Variants in WDPCP observed in about 807,000 individuals in gnomAD.
WDPCP encodes WD repeat-containing and planar cell polarity effector protein fritz homolog.
A neutral mutation model predicts 93.1 loss-of-function variants in WDPCP; 71 were observed. The observed-to-expected ratio is 0.76, with a 90% CI of 0.63 to 0.93. The LOEUF (loss-of-function observed/expected upper bound fraction) is 0.93. WDPCP is among the 40% of genes least tolerant of loss of function. The pLI is 0.00. For missense variants in WDPCP, 844 were observed against 887.4 expected (o/e 0.95, Z 0.62); for synonymous variants, 315 against 315.0 (o/e 1.00, Z 0.00).
intron 3 of WDPCP, chr2:63,598,095 T>C (rs1452999235): frequency 6.6e-6 from 1 of 152,160 alleles, no homozygotes; most frequent in African/African-American, 2.4e-5. Context: ...CTAATATGTC[T>C]TAATATTACA....
At chr2:63,137,481 T>A (rs1574694584) in intron 17 of WDPCP, among the ~76,000 whole-genome samples, 1 of 152,190 alleles carries the variant, frequency 6.6e-6, no homozygotes, top group East Asian at 1.9e-4. Flanking sequence ...TTGCAAACAT[T>A]TTCTCCCATT....
intron 12 of WDPCP, among the ~76,000 whole-genome samples, chr2:63,364,136 A>G (rs1017487890): frequency 6.6e-6 from 1 of 152,192 alleles, no homozygotes; most frequent in Non-Finnish European, 1.5e-5. Context: ...GCTCAACACC[A>G]TGATTCTTTG....
intron 12 of WDPCP, among the ~76,000 whole-genome samples, chr2:63,320,956 C>T (rs909231686): frequency 6.6e-6 from 1 of 151,706 alleles, no homozygotes; most frequent in Non-Finnish European, 1.5e-5. Flanking sequence ...TATACAAACA[C>T]AGATAGTTTG....
chr2:63,205,644 T>G lies in WDPCP; in HGVS notation c.1916-30812A>C, dbSNP rs894721790. Among the ~76,000 whole-genome samples the G allele has an allele frequency of 1.6e-4, 24 of 152,370 alleles. No individual in the cohort carries two copies. The East Asian group carries it at 3.5e-3, about 22-fold the overall frequency. On this transcript the variant is annotated intron_variant, in intron 14 of 17. Transcript: ENST00000272321. ...CTTCACATTGTTCATTGTTGGGATA[T>G]AGAAATGCTACTGATTTTTGTAGGT...
chr2:63,325,026 G>A (rs1040267384), intron 12 of WDPCP, among the ~76,000 whole-genome samples: 2 of 152,176 alleles, frequency 1.3e-5, no homozygotes, highest in African/African-American at 2.4e-5. Context: ...CAGATATCAG[G>A]AGAAAGCTCC....
At chr2:63,678,578 C>T (rs922503569) in intron 2 of WDPCP, among the ~76,000 whole-genome samples, 2 of 152,178 alleles carry the variant, frequency 1.3e-5, no homozygotes, top group African/African-American at 2.4e-5. Context: ...CCTTTTAGTG[C>T]ACCTTTTTGT....
chr2:63,155,946 G>A (rs1310625289), intron 15 of WDPCP, among the ~76,000 whole-genome samples: 1 of 152,124 alleles, frequency 6.6e-6, no homozygotes, highest in Non-Finnish European at 1.5e-5. Context: ...AGATTAGTCA[G>A]GAGACAGCTG....
chr2:63,816,596 C>T (rs1670936088), intron 1 of WDPCP, among the ~76,000 whole-genome samples: 1 of 152,110 alleles, frequency 6.6e-6, no homozygotes. Flanking sequence ...AAGGATTATC[C>T]CCTAGAGTCT....
At chr2:63,138,613 C>T (rs547255417) in intron 17 of WDPCP, among the ~76,000 whole-genome samples, 93 of 151,898 alleles carry the variant, frequency 6.1e-4, no homozygotes, top group Non-Finnish European at 1.1e-3. Flanking sequence ...TCACCTCGCC[C>T]GGCTAATTTT....
chr2:63,339,607 T>C (rs1688693673), intron 12 of WDPCP, among the ~76,000 whole-genome samples: 1 of 152,238 alleles, frequency 6.6e-6, no homozygotes, highest in South Asian at 2.1e-4. Flanking sequence ...TTTAGGTTTT[T>C]CTACATATAG....
intron 14 of WDPCP, among the ~76,000 whole-genome samples, chr2:63,178,161 G>A (rs1285740556): frequency 6.6e-6 from 1 of 152,124 alleles, no homozygotes; most frequent in African/African-American, 2.4e-5. Context: ...TATCTATCAA[G>A]AACGTTGGTC....
intron 2 of WDPCP, among the ~76,000 whole-genome samples, chr2:63,696,028 T>C (rs916623347): frequency 6.6e-6 from 1 of 152,152 alleles, no homozygotes; most frequent in Non-Finnish European, 1.5e-5. Context: ...CATCTCCATG[T>C]ATTAAGGGAA....
At chr2:63,839,753 T>C in the WDPCP span, among the ~76,000 whole-genome samples, 6 of 152,352 alleles carry the variant, frequency 3.9e-5, no homozygotes, top group South Asian at 2.1e-4. Context: ...AGAGATTTTG[T>C]TAAGATCTTC....
At chr2:63,420,358 A>T (rs1695750798) in intron 9 of WDPCP, among the ~76,000 whole-genome samples, 1 of 145,072 alleles carries the variant, frequency 6.9e-6, no homozygotes, top group South Asian at 2.2e-4. Flanking sequence ...CCCCATCTTT[A>T]CTTAAAAAAA....
intron 1 of WDPCP, among the ~76,000 whole-genome samples, chr2:63,544,850 T>C: frequency 6.6e-6 from 1 of 152,190 alleles, no homozygotes; most frequent in Non-Finnish European, 1.5e-5. Context: ...AATTACCATA[T>C]TATATGAAAT....
intron 1 of WDPCP, among the ~76,000 whole-genome samples, chr2:63,574,991 T>C (rs1217172479): frequency 6.6e-6 from 1 of 152,148 alleles, no homozygotes; most frequent in Non-Finnish European, 1.5e-5. Flanking sequence ...CATTTTATAT[T>C]TTTTTGAGAA....
At chr2:63,397,524 C>G (rs1274572276) in intron 10 of WDPCP, among the ~76,000 whole-genome samples, 5 of 152,000 alleles carry the variant, frequency 3.3e-5, no homozygotes. Flanking sequence ...TAAACCTGCA[C>G]AAAGTGAGGG....
chr2:63,725,792 T>C (rs1669488674), intron 2 of WDPCP, among the ~76,000 whole-genome samples: 1 of 152,200 alleles, frequency 6.6e-6, no homozygotes, highest in Non-Finnish European at 1.5e-5. Context: ...ATTTCTCTGA[T>C]GATTGGTGAT....
chr2:63,801,877 T>G (rs79835265), intron 2 of WDPCP, among the ~76,000 whole-genome samples: 27,719 of 152,108 alleles, frequency 0.18, 2,783 homozygotes, highest in Middle Eastern at 0.26. Context: ...AGTCACATTG[T>G]CTTTTAGGAC....
Sources: allele counts gnomAD v4.1 joint callset (sites outside exome capture counted in the v4.1 genomes callset), GRCh38; gene constraint gnomAD v4.1.1; transcripts MANE v1.5; gene names NCBI Gene and HGNC (gene_info 2026-07-23, HGNC 2026-07-21).